The following CNTN4 variants were observed in gnomAD, a reference collection of about 807,000 sequenced individuals.
CNTN4 encodes the protein contactin 4, also known as contactin-4.
A neutral mutation model predicts 122.5 loss-of-function variants in CNTN4; 77 were observed. That is an observed-to-expected ratio of 0.63 (90% CI 0.52 to 0.76). The LOEUF is 0.76. Ranked by LOEUF, CNTN4 falls within the 30% of genes least tolerant of loss-of-function variation. CNTN4 has a pLI of 0.00. For missense variants in CNTN4, 1,256 were observed against 1,259.1 expected, an observed-to-expected ratio of 1.00 and a Z score of 0.04; for synonymous variants, 512 against 447.0, an observed-to-expected ratio of 1.15 and a Z score of -1.83.
chr3:2,475,074 A>G (rs2075799919), intron 3 of CNTN4, among the ~76,000 whole-genome samples: 1 of 152,188 alleles, frequency 6.6e-6, no homozygotes, highest in Non-Finnish European at 1.5e-5. Flanking sequence ...AAAATATGTG[A>G]GTTTATTGAA....
At chr3:2,916,881 G>T (rs887455770) in intron 12 of CNTN4, among the ~76,000 whole-genome samples, 1 of 150,770 alleles carries the variant, frequency 6.6e-6, no homozygotes, top group Non-Finnish European at 1.5e-5. Flanking sequence ...ACGTCTAGGT[G>T]GCACTTCCTA....
At chr3:2,624,423 C>T (rs984685962) in intron 4 of CNTN4, among the ~76,000 whole-genome samples, 1 of 152,006 alleles carries the variant, frequency 6.6e-6, no homozygotes, top group Non-Finnish European at 1.5e-5. Context: ...CACAAGTCAG[C>T]ATCTACCATG....
At chr3:2,316,265 A>G (rs370893417) in intron 2 of CNTN4, among the ~76,000 whole-genome samples, 2 of 152,076 alleles carry the variant, frequency 1.3e-5, no homozygotes, top group Admixed American at 1.3e-4. Context: ...TTTGATCTCT[A>G]TATATTAATT....
At chr3:2,230,239 G>C (rs186435863) in intron 2 of CNTN4, among the ~76,000 whole-genome samples, 3 of 152,200 alleles carry the variant, frequency 2.0e-5, no homozygotes, top group African/African-American at 7.2e-5. Context: ...TTTTCCAAAT[G>C]TGATTTGTTT....
At chr3:2,704,256 C>T (rs909874049) in intron 4 of CNTN4, among the ~76,000 whole-genome samples, 3 of 141,216 alleles carry the variant, frequency 2.1e-5, no homozygotes, top group East Asian at 2.2e-4. Context: ...TAGATTGTGC[C>T]GCTGCTCTCC....
In CNTN4 at chr3:2,880,054, G is replaced by A. The variant is rs547065683; in HGVS notation, c.653-3091G>A. Among the ~76,000 whole-genome samples, 24 of 152,234 alleles carry A rather than the reference G, an allele frequency of 1.6e-4. No individual in the cohort carries two copies. In the South Asian group the frequency reaches 2.1e-3, roughly 13 times the overall value. On this transcript the variant is annotated intron_variant, in intron 8 of 24. Transcript: ENST00000418658. ...GCCTAAATAGATAGGATTTTAGGAC[G>A]CGGAGATAACAGTTCAGGGATCTGG...
intron 2 of CNTN4, among the ~76,000 whole-genome samples, chr3:2,213,657 C>G (rs2038715455): frequency 6.6e-6 from 1 of 152,150 alleles, no homozygotes; most frequent in South Asian, 2.1e-4. Flanking sequence ...CTCCAGGCTC[C>G]CATTGGTGTT....
chr3:2,219,325 G>A (rs1027333918), intron 2 of CNTN4, among the ~76,000 whole-genome samples: 2 of 152,178 alleles, frequency 1.3e-5, no homozygotes, highest in East Asian at 3.8e-4. Context: ...TTGTGTCCCA[G>A]TGTTACAGAA....
At position 2,483,899 on chromosome 3, in the gene CNTN4, A is replaced by G. The variant is rs989668052; in HGVS notation, c.-88-87517A>G. Among the ~76,000 whole-genome samples, 4 of 152,328 alleles carry G rather than the reference A, an allele frequency of 2.6e-5. No homozygotes were observed. The South Asian group carries it at 8.3e-4, about 32-fold the overall frequency. ...TGTCTAGATGACTTTGGATTTGGCT[A>G]TGATATTTTGGATATGACATCAAAG... On this transcript the variant is annotated intron_variant, in intron 3 of 24. Coordinates refer to ENST00000418658, the MANE Select transcript of CNTN4 (RefSeq NM_175607.3).
intron 3 of CNTN4, among the ~76,000 whole-genome samples, chr3:2,400,708 G>A (rs1044360181): frequency 2.0e-5 from 3 of 150,890 alleles, no homozygotes; most frequent in East Asian, 3.9e-4. Flanking sequence ...AATATTTGAA[G>A]TGTTGTACCT....
At chr3:3,039,143 C>T in intron 19 of CNTN4, 140 bp downstream of exon 19, 11 of 750,818 alleles carry the variant, frequency 1.5e-5, no homozygotes. Flanking sequence ...CTCCCTCTCA[C>T]GTAGCTAATG....
intron 6 of CNTN4, among the ~76,000 whole-genome samples, chr3:2,816,259 C>T (rs1181784675): frequency 6.8e-6 from 1 of 147,930 alleles, no homozygotes. Flanking sequence ...GAGGCTGAGG[C>T]AGGAGAATGG....
intron 2 of CNTN4, among the ~76,000 whole-genome samples, chr3:2,220,890 C>T (rs2039036814): frequency 6.6e-6 from 1 of 151,960 alleles, no homozygotes; most frequent in African/African-American, 2.4e-5. Flanking sequence ...ACTCAGATTT[C>T]CTGATAGTAT....
intron 2 of CNTN4, among the ~76,000 whole-genome samples, chr3:2,124,823 C>A (rs1226312061): frequency 1.3e-5 from 2 of 152,188 alleles, no homozygotes; most frequent in African/African-American, 4.8e-5. Context: ...GTACAAAAAT[C>A]TACACAGATT....
chr3:2,122,759 C>G lies in CNTN4; in HGVS notation c.-145+22120C>G, dbSNP rs185189777. On this transcript the variant is annotated intron_variant, in intron 2 of 24. Transcript: ENST00000418658. ...CATAATGTTTGAGTTGATGCAGTAG[C>G]TCCTTAGCAATTAATAGACGTTCAT... is the stretch of plus-strand genomic sequence containing the variant. 9.9e-4 allele frequency among the ~76,000 whole-genome samples: 151 copies of G among 152,288 alleles called. 1 individual carries two copies. Among genetic ancestry groups the G allele is most frequent in the Non-Finnish European group, 5.9e-5 (4 of 68,016 alleles).
chr3:2,390,054 G>A (rs964238113), intron 3 of CNTN4, among the ~76,000 whole-genome samples: 21 of 152,012 alleles, frequency 1.4e-4, no homozygotes, highest in African/African-American at 4.8e-4. Flanking sequence ...TATGAATAGG[G>A]TGTTTACATA....
intron 8 of CNTN4, among the ~76,000 whole-genome samples, chr3:2,872,321 G>A (rs879313071): frequency 1.3e-5 from 2 of 152,198 alleles, no homozygotes; most frequent in South Asian, 2.1e-4. Flanking sequence ...GAGAAGATGA[G>A]ATAATGTCTG....
intron 4 of CNTN4, among the ~76,000 whole-genome samples, chr3:2,624,587 T>C (rs1168643237): frequency 6.6e-6 from 1 of 151,198 alleles, no homozygotes; most frequent in Non-Finnish European, 1.5e-5. Context: ...AAGTTTGCAA[T>C]GAGATTAAGA....
intron 4 of CNTN4, among the ~76,000 whole-genome samples, chr3:2,579,040 A>G (rs1032546576): frequency 6.6e-6 from 1 of 152,232 alleles, no homozygotes; most frequent in African/African-American, 2.4e-5. Flanking sequence ...TTATATCCCC[A>G]TAGGCATGGA....
Sources: allele counts gnomAD v4.1 joint callset (sites outside exome capture counted in the v4.1 genomes callset), GRCh38; gene constraint gnomAD v4.1.1; transcripts MANE v1.5; gene names NCBI Gene and HGNC (gene_info 2026-07-23, HGNC 2026-07-21).